CNTN5: variants seen among roughly 807,000 people sequenced by gnomAD.
CNTN5 encodes the protein contactin 5, also known as contactin-5.
CNTN5 carries 77 observed loss-of-function variants against 129.1 expected under a neutral mutation model. The observed-to-expected ratio is 0.60, with a 90% CI of 0.50 to 0.72. The LOEUF (loss-of-function observed/expected upper bound fraction) is 0.72, where lower values mean the gene tolerates loss of function less well. Ranked by LOEUF, CNTN5 falls within the 30% of genes least tolerant of loss-of-function variation. The pLI is 0.00. For synonymous variants in CNTN5, 509 were observed against 465.6 expected (o/e 1.09, Z -1.20); for missense variants, 1,478 against 1,328.8 (o/e 1.11, Z -1.75).
Position 99,116,957 on chromosome 11 carries a change from G to C in CNTN5, c.-210+95687G>C, listed in dbSNP as rs1591218717. Among the ~76,000 whole-genome samples the C allele has an allele frequency of 2.0e-5, 3 of 152,242 alleles. No individual in the cohort carries two copies. In the East Asian group the frequency reaches 5.8e-4, roughly 29 times the overall value. On this transcript the variant is annotated intron_variant, in intron 1 of 24. Transcript: ENST00000524871. ...ATTTGAGAGTCAATAGCATAAAGAT[G>C]TTCCTTACATTCATAGAAATGTGAT... is the stretch of plus-strand genomic sequence containing the variant.
chr11:99,958,571 AGTCATCATTGT>A (rs906300735), intron 8 of CNTN5, among the ~76,000 whole-genome samples: 6 of 152,220 alleles, frequency 3.9e-5, no homozygotes, highest in Admixed American at 6.5e-5. Flanking sequence ...GAGATTTAAA[AGTCATCATTGT>A]GTATTACATC....
At chr11:99,850,864 T>C (rs1947851595) in intron 6 of CNTN5, among the ~76,000 whole-genome samples, 1 of 152,138 alleles carries the variant, frequency 6.6e-6, no homozygotes, top group Non-Finnish European at 1.5e-5. Flanking sequence ...CAAATTTTCA[T>C]AAAAATTTTT....
At chr11:99,124,994 C>G (rs1217713902) in intron 1 of CNTN5, among the ~76,000 whole-genome samples, 3 of 151,848 alleles carry the variant, frequency 2.0e-5, no homozygotes, top group Non-Finnish European at 4.4e-5. Flanking sequence ...CAAAGAAAGC[C>G]AGCACTAGAG....
At chr11:100,055,844 C>A (rs571228354) in intron 9 of CNTN5, among the ~76,000 whole-genome samples, 144 of 150,124 alleles carry the variant, frequency 9.6e-4, no homozygotes, top group African/African-American at 3.2e-3. Context: ...ACATAGTCTT[C>A]TCTCTCTCTC....
intron 13 of CNTN5, among the ~76,000 whole-genome samples, chr11:100,181,090 A>G (rs1382740199): frequency 6.6e-6 from 1 of 152,046 alleles, no homozygotes; most frequent in Non-Finnish European, 1.5e-5. Flanking sequence ...TGTTCACATA[A>G]ATATCTGTAC....
At chr11:99,515,920 C>T (rs2135424131) in intron 2 of CNTN5, among the ~76,000 whole-genome samples, 1 of 149,514 alleles carries the variant, frequency 6.7e-6, no homozygotes. Context: ...GAGAGTCATA[C>T]ACTTAAATGT....
At position 100,187,205 on chromosome 11, in the gene CNTN5, A is replaced by G. The variant is rs1344170817; in HGVS notation, c.1581-3921A>G. On this transcript the variant is annotated intron_variant, in intron 13 of 24. Coordinates refer to ENST00000524871, the MANE Select transcript of CNTN5 (RefSeq NM_014361.4). Reference sequence around the variant, plus strand: ...CATTTCACTCTTGCTTGTTGTGTATAGAAATGCTGTTGAGTTTTGTACATC... The same window carrying G: ...CATTTCACTCTTGCTTGTTGTGTATGGAAATGCTGTTGAGTTTTGTACATC... Among the ~76,000 whole-genome samples the G allele has an allele frequency of 3.3e-5, 5 of 152,186 alleles. No homozygotes were observed. In the East Asian group the frequency reaches 9.6e-4, roughly 29 times the overall value.
chr11:99,781,643 C>T (rs1416764659), intron 3 of CNTN5, among the ~76,000 whole-genome samples: 2 of 152,048 alleles, frequency 1.3e-5, no homozygotes, highest in African/African-American at 4.8e-5. Flanking sequence ...CTACACCCAG[C>T]AGGTACTCAA....
rs372602898 is a variant in CNTN5, at chr11:100,045,100, C to G, written c.981-16112C>G. On this transcript the variant is annotated intron_variant, in intron 9 of 24. Coordinates refer to ENST00000524871, the MANE Select transcript of CNTN5 (RefSeq NM_014361.4). ...GTATCTACTTACCCCTAACCCAAAG[C>G]CTTGTCTTCCATATTACTTTTTTTT... Among the ~76,000 whole-genome samples the G allele has an allele frequency of 5.2e-4, 77 of 149,294 alleles. No individual in the cohort carries two copies. The East Asian group carries it at 5.7e-3, about 11-fold the overall frequency.
intron 3 of CNTN5, among the ~76,000 whole-genome samples, chr11:99,630,545 T>G (rs1258764781): frequency 6.6e-6 from 1 of 151,394 alleles, no homozygotes; most frequent in African/African-American, 2.4e-5. Flanking sequence ...TTTCACACAG[T>G]CCAGGCACAT....
chr11:100,248,971 A>G (rs141679927), intron 16 of CNTN5, among the ~76,000 whole-genome samples: 83 of 152,312 alleles, frequency 5.4e-4, no homozygotes, highest in African/African-American at 1.9e-3. Context: ...TCTTGCTTCA[A>G]TGATTTTACC....
At chr11:99,135,050 T>G (rs1435221938) in intron 1 of CNTN5, among the ~76,000 whole-genome samples, 1 of 152,176 alleles carries the variant, frequency 6.6e-6, no homozygotes, top group Admixed American at 6.5e-5. Flanking sequence ...CACTATAATA[T>G]AAGCCTTGCA....
intron 2 of CNTN5, among the ~76,000 whole-genome samples, chr11:99,363,691 C>G (rs1939269590): frequency 1.3e-5 from 2 of 151,854 alleles, no homozygotes; most frequent in South Asian, 4.2e-4. Context: ...ACGGGTCAAA[C>G]AAAATAAATC....
chr11:99,889,534 T>C (rs996196648), intron 6 of CNTN5, among the ~76,000 whole-genome samples: 32 of 150,854 alleles, frequency 2.1e-4, no homozygotes, highest in African/African-American at 7.5e-4. Flanking sequence ...ACATTCTTTT[T>C]TTTTTTTTTT....
intron 15 of CNTN5, among the ~76,000 whole-genome samples, chr11:100,210,174 CAAAAAAAA>C (rs59613776): frequency 1.5e-4 from 12 of 81,116 alleles, no homozygotes; most frequent in South Asian, 4.7e-4. Flanking sequence ...TGCCTCTATA[CAAAAAAAA>C]AAAAAAAAAA....
intron 4 of CNTN5, among the ~76,000 whole-genome samples, chr11:99,836,655 C>G (rs1191033080): frequency 2.0e-5 from 3 of 152,012 alleles, no homozygotes; most frequent in East Asian, 1.9e-4. Context: ...TGGGTATATA[C>G]CCAGTAATGG....
chr11:99,984,230 T>C (rs2137375792), intron 8 of CNTN5, among the ~76,000 whole-genome samples: 1 of 151,708 alleles, frequency 6.6e-6, no homozygotes, highest in East Asian at 1.9e-4. Context: ...TGAGCCAAGA[T>C]TGTGCCACAG....
intron 16 of CNTN5, among the ~76,000 whole-genome samples, chr11:100,226,331 C>T (rs989240811): frequency 2.0e-5 from 3 of 152,048 alleles, no homozygotes; most frequent in Non-Finnish European, 2.9e-5. Flanking sequence ...AAAATTGGAG[C>T]TTTCCAAATC....
At chr11:99,395,452 G>A (rs1337071460) in intron 2 of CNTN5, among the ~76,000 whole-genome samples, 2 of 151,856 alleles carry the variant, frequency 1.3e-5, no homozygotes, top group Non-Finnish European at 2.9e-5. Context: ...ACTTTTGTTA[G>A]ATGTATAATT....
Sources: gnomAD v4.1 joint callset for allele counts (sites outside exome capture counted in the v4.1 genomes callset) on GRCh38, gnomAD v4.1.1 for gene constraint, MANE v1.5 for transcripts, NCBI Gene and HGNC (gene_info 2026-07-23, HGNC 2026-07-21) for gene names.